Variants in MRPS28 observed in about 807,000 individuals in gnomAD.
The protein encoded by MRPS28 is small ribosomal subunit protein bS1m.
Under a neutral mutation model 10.8 loss-of-function variants are expected in MRPS28, and 7 were observed. That is an observed-to-expected ratio of 0.65 (90% CI 0.37 to 1.22). The LOEUF is 1.22. Among genes scored for constraint, MRPS28 ranks in the 50% most tolerant of loss-of-function variants. The probability of loss-of-function intolerance (pLI) is 0.02; values close to 1 mark genes in which losing one functional copy is unlikely to be tolerated. For synonymous variants in MRPS28, 121 were observed against 93.3 expected, an observed-to-expected ratio of 1.30 and a Z score of -1.71; for missense variants, 265 against 232.9, an observed-to-expected ratio of 1.14 and a Z score of -0.90.
At chr8:80,017,029 CA>C (rs1286047116) in intron 1 of MRPS28, among the ~76,000 whole-genome samples, 1 of 152,072 alleles carries the variant, frequency 6.6e-6, no homozygotes, top group Non-Finnish European at 1.5e-5. Context: ...AAACAGTCAC[CA>C]AAACAGACCA....
chr8:80,007,936 TG>T (rs1808905040), intron 1 of MRPS28, among the ~76,000 whole-genome samples: 1 of 152,122 alleles, frequency 6.6e-6, no homozygotes, highest in Non-Finnish European at 1.5e-5. Flanking sequence ...CAAGTTCATA[TG>T]GAACCAAAAA....
At chr8:79,983,335 A>G (rs1040084271) in intron 2 of MRPS28, among the ~76,000 whole-genome samples, 2 of 152,174 alleles carry the variant, frequency 1.3e-5, no homozygotes, top group African/African-American at 4.8e-5. Context: ...AAAACAGAGC[A>G]GAAAAACTGG....
rs138607934 is a variant in MRPS28, at chr8:79,976,521, A to G, written c.395+26478T>C. Among the ~76,000 whole-genome samples the G allele has an allele frequency of 1.6e-4, 25 of 152,284 alleles. No homozygotes were observed. The East Asian group carries it at 3.9e-3, about 24-fold the overall frequency. On this transcript the variant is annotated intron_variant, in intron 2 of 2. Transcript: ENST00000276585. ...AGAGTTCAAGACCAGTCTGGGCAAC[A>G]TGGCGAAACCCTAGCTCTACTAAAA...
chr8:80,016,283 C>A (rs1809192601), intron 1 of MRPS28, among the ~76,000 whole-genome samples: 1 of 151,774 alleles, frequency 6.6e-6, no homozygotes, highest in South Asian at 2.1e-4. Context: ...AGAAAAAATT[C>A]TAAAAGAAGC....
intron 2 of MRPS28, among the ~76,000 whole-genome samples, chr8:79,962,866 G>A (rs1473971650): frequency 6.6e-6 from 1 of 152,086 alleles, no homozygotes; most frequent in Non-Finnish European, 1.5e-5. Context: ...TTATTCAAAT[G>A]TTTGCTCCTT....
At chr8:79,978,043 C>T (rs1374455280) in intron 2 of MRPS28, among the ~76,000 whole-genome samples, 3 of 151,952 alleles carry the variant, frequency 2.0e-5, no homozygotes, top group Non-Finnish European at 2.9e-5. Context: ...CAGATCACAT[C>T]ATAATGTAAT....
intron 2 of MRPS28, among the ~76,000 whole-genome samples, chr8:79,940,163 G>A (rs1051063846): frequency 6.6e-6 from 1 of 151,942 alleles, no homozygotes; most frequent in Non-Finnish European, 1.5e-5. Context: ...ATTGCATATT[G>A]AGCAAAAATC....
intron 1 of MRPS28, among the ~76,000 whole-genome samples, chr8:80,003,652 G>C (rs1461811874): frequency 6.6e-6 from 1 of 152,136 alleles, no homozygotes; most frequent in African/African-American, 2.4e-5. Flanking sequence ...AGCGGGTGCA[G>C]GGCAGTGGGT....
chr8:80,025,237 A>C (rs1809465534), intron 1 of MRPS28, among the ~76,000 whole-genome samples: 1 of 152,234 alleles, frequency 6.6e-6, no homozygotes, highest in African/African-American at 2.4e-5. Flanking sequence ...CAAAAACTGA[A>C]ATCAGGAATG....
intron 1 of MRPS28, among the ~76,000 whole-genome samples, chr8:80,023,234 T>C (rs1809413388): frequency 6.6e-6 from 1 of 152,220 alleles, no homozygotes; most frequent in Non-Finnish European, 1.5e-5. Flanking sequence ...TTTCCATCAT[T>C]CCTTTACATA....
chr8:79,967,222 T>TTCAC (rs984888976), intron 2 of MRPS28, among the ~76,000 whole-genome samples: 12 of 152,272 alleles, frequency 7.9e-5, no homozygotes, highest in East Asian at 1.9e-4. Flanking sequence ...ATGACATTCA[T>TTCAC]TCACTCACTC....
chr8:79,986,008 A>G (rs372542009), intron 2 of MRPS28, among the ~76,000 whole-genome samples: 3 of 152,344 alleles, frequency 2.0e-5, no homozygotes, highest in Admixed American at 6.5e-5. Context: ...CTTGATGAAC[A>G]TTGATGCAAA....
intron 2 of MRPS28, among the ~76,000 whole-genome samples, chr8:79,927,625 C>A (rs1806327205): frequency 6.6e-6 from 1 of 152,184 alleles, no homozygotes; most frequent in South Asian, 2.1e-4. Flanking sequence ...ATACCAACAA[C>A]AATTAGACAG....
chr8:79,919,923 A>T (rs188134996), intron 2 of MRPS28, among the ~76,000 whole-genome samples: 15 of 145,354 alleles, frequency 1.0e-4, no homozygotes, highest in South Asian at 9.7e-4. Flanking sequence ...CGTTAGGTAT[A>T]TCTCCTAATG....
chr8:80,028,890 G>C (rs750727270), intron 1 of MRPS28: 1 of 153,102 alleles, frequency 6.5e-6, no homozygotes, highest in African/African-American at 2.4e-5. Context: ...GAGCCCAGGG[G>C]GTTTAGCAGT....
At chr8:80,001,493 C>T (rs1258301708) in intron 2 of MRPS28, among the ~76,000 whole-genome samples, 5 of 152,172 alleles carry the variant, frequency 3.3e-5, no homozygotes, top group Admixed American at 3.3e-4. Context: ...ATGAAAATAA[C>T]AATAACAATA....
At chr8:79,987,416 A>G in intron 2 of MRPS28, among the ~76,000 whole-genome samples, 1 of 152,222 alleles carries the variant, frequency 6.6e-6, no homozygotes, top group Non-Finnish European at 1.5e-5. Context: ...AAAAGCCAAA[A>G]TTGACAAATG....
At chr8:79,963,695 C>T (rs1807429334) in intron 2 of MRPS28, among the ~76,000 whole-genome samples, 4 of 152,162 alleles carry the variant, frequency 2.6e-5, no homozygotes, top group South Asian at 4.1e-4. Flanking sequence ...TCACACAGAG[C>T]GAAGAATGAC....
rs1208612002 is a variant in MRPS28, at chr8:80,030,136, C to T, written c.113G>A (p.Gly38Asp). The T allele has an allele frequency of 2.4e-5, 39 of 1,613,176 alleles. No individual in the cohort carries two copies. Among genetic ancestry groups the T allele is most frequent in the Non-Finnish European group, 3.3e-5 (39 of 1,180,048 alleles). The change falls in exon 1 of 3, where the codon GGT (glycine) becomes GAT (aspartate). Residue 38 changes from glycine (G) to aspartate (D), a missense_variant. Transcript: ENST00000276585. Reference protein sequence around the residue: ...GVGTESGSESGSSNAKEPKTR... With the variant: ...GVGTESGSESDSSNAKEPKTR... Reference sequence around the variant, plus strand: ...CTTAGGCTCCTTGGCATTGGAACTACCACTTTCGGATCCACTCTCAGTGCC... The same window carrying T: ...CTTAGGCTCCTTGGCATTGGAACTATCACTTTCGGATCCACTCTCAGTGCC...
Sources: allele counts gnomAD v4.1 joint callset (sites outside exome capture counted in the v4.1 genomes callset), GRCh38; gene constraint gnomAD v4.1.1; transcripts MANE v1.5; gene names NCBI Gene and HGNC (gene_info 2026-07-23, HGNC 2026-07-21).